IQGAP2: variants seen among roughly 807,000 people sequenced by gnomAD.
IQGAP2 encodes the protein IQ motif containing GTPase activating protein 2.
A neutral mutation model predicts 201.3 loss-of-function variants in IQGAP2; 173 were observed. That is an observed-to-expected ratio of 0.86 (90% CI 0.76 to 0.98). The LOEUF is 0.98. Among genes scored for constraint, IQGAP2 ranks in the 50% least tolerant of loss-of-function variants. IQGAP2 has a pLI of 0.00. For missense variants in IQGAP2, 1,687 were observed against 1,864.8 expected (o/e 0.90, Z 1.76); for synonymous variants, 675 against 673.9 (o/e 1.00, Z -0.03).
At chr5:76,596,762 G>A (rs1003572364) in intron 9 of IQGAP2, among the ~76,000 whole-genome samples, 1 of 152,062 alleles carries the variant, frequency 6.6e-6, no homozygotes, top group Non-Finnish European at 1.5e-5. Context: ...GGGGAAATCC[G>A]CCCCCATGTT....
intron 24 of IQGAP2, among the ~76,000 whole-genome samples, chr5:76,673,237 C>A (rs1744509695): frequency 6.6e-6 from 1 of 152,032 alleles, no homozygotes; most frequent in Non-Finnish European, 1.5e-5. Flanking sequence ...CCAGAAGAGA[C>A]CAGAGGGAAG....
intron 13 of IQGAP2, among the ~76,000 whole-genome samples, chr5:76,626,491 G>C (rs147457960): frequency 6.6e-6 from 1 of 151,834 alleles, no homozygotes; most frequent in East Asian, 1.9e-4. Flanking sequence ...GGCTGGTCTC[G>C]AACTCCTGAC....
At chr5:76,582,822 T>C (rs1043287063) in intron 5 of IQGAP2, among the ~76,000 whole-genome samples, 3 of 151,876 alleles carry the variant, frequency 2.0e-5, no homozygotes, top group African/African-American at 7.2e-5. Flanking sequence ...ACTTTCATGA[T>C]ATACACTAAA....
chr5:76,649,469 G>A (rs554917142), intron 17 of IQGAP2, among the ~76,000 whole-genome samples: 18 of 152,148 alleles, frequency 1.2e-4, no homozygotes, highest in African/African-American at 3.9e-4. Flanking sequence ...AAGAAATTTC[G>A]GAACATCAGA....
chr5:76,478,326 A>C (rs1412769832), intron 2 of IQGAP2, among the ~76,000 whole-genome samples: 1 of 152,146 alleles, frequency 6.6e-6, no homozygotes, highest in Non-Finnish European at 1.5e-5. Context: ...ACTTGAACCC[A>C]GGAGGTGGAG....
chr5:76,416,945 C>G (rs1258189289), intron 1 of IQGAP2, among the ~76,000 whole-genome samples: 1 of 152,176 alleles, frequency 6.6e-6, no homozygotes, highest in Non-Finnish European at 1.5e-5. Context: ...CCTCCTACCT[C>G]AGCCTTCTGA....
chr5:76,685,270 A>G (rs1468287319), intron 30 of IQGAP2, among the ~76,000 whole-genome samples: 1 of 152,222 alleles, frequency 6.6e-6, no homozygotes, highest in African/African-American at 2.4e-5. Flanking sequence ...ACAAGTGCCA[A>G]TTATAAAGAT....
At chr5:76,527,924 A>G (rs1759061879) in intron 2 of IQGAP2, among the ~76,000 whole-genome samples, 1 of 152,152 alleles carries the variant, frequency 6.6e-6, no homozygotes, top group Admixed American at 6.5e-5. Flanking sequence ...CTCTGATCTA[A>G]TCAGTCCAAT....
intron 34 of IQGAP2, 32 bp downstream of exon 34, chr5:76,701,245 G>C (rs372332254): frequency 6.2e-7 from 1 of 1,604,204 alleles, no homozygotes; most frequent in Admixed American, 1.7e-5. Context: ...CATAGAACAC[G>C]CATGCCATTT....
intron 2 of IQGAP2, among the ~76,000 whole-genome samples, chr5:76,464,090 C>T (rs992941923): frequency 2.6e-5 from 4 of 152,040 alleles, no homozygotes; most frequent in Non-Finnish European, 5.9e-5. Flanking sequence ...TCAAGTGATC[C>T]GCCCACCTCG....
intron 9 of IQGAP2, among the ~76,000 whole-genome samples, chr5:76,594,400 A>G (rs925658616): frequency 1.3e-5 from 2 of 152,216 alleles, no homozygotes; most frequent in African/African-American, 4.8e-5. Context: ...ACTCAGTGCC[A>G]TAATTTCCTG....
intron 2 of IQGAP2, among the ~76,000 whole-genome samples, chr5:76,540,684 T>C (rs1206733333): frequency 1.3e-5 from 2 of 152,230 alleles, no homozygotes; most frequent in African/African-American, 4.8e-5. Flanking sequence ...CCTTGGCCTA[T>C]AGTGCCTTTT....
intron 13 of IQGAP2, among the ~76,000 whole-genome samples, chr5:76,620,267 G>C (rs1006031925): frequency 7.2e-5 from 11 of 152,190 alleles, no homozygotes; most frequent in Admixed American, 6.5e-4. Flanking sequence ...GGAGGCTACT[G>C]TCATCATTCA....
chr5:76,570,804 A>T, intron 4 of IQGAP2, 147 bp downstream of exon 4: 1 of 627,326 alleles, frequency 1.6e-6, no homozygotes, highest in Non-Finnish European at 2.8e-6. Context: ...AGACCTATCC[A>T]AAGTAACATA....
chr5:76,535,546 C>T (rs187754247), intron 2 of IQGAP2, among the ~76,000 whole-genome samples: 27 of 152,304 alleles, frequency 1.8e-4, no homozygotes, highest in East Asian at 3.8e-4. Context: ...GAGCATTCAA[C>T]GAACATGGGA....
rs186289739 is a variant in IQGAP2, at chr5:76,629,398, A to G, written c.1612+1898A>G. On this transcript the variant is annotated intron_variant, in intron 14 of 35. Transcript: ENST00000274364. ...TAAAAGAAAATGTGTTGGCCCAAAT[A>G]TGTTACCACCAGCAAAATTTAAAAG... 6.2e-4 allele frequency among the ~76,000 whole-genome samples: 94 copies of G among 152,300 alleles called. No homozygotes were observed. In the East Asian group the frequency reaches 0.017, roughly 27 times the overall value.
intron 14 of IQGAP2, among the ~76,000 whole-genome samples, chr5:76,630,475 G>A (rs1561530766): frequency 6.6e-6 from 1 of 152,122 alleles, no homozygotes; most frequent in East Asian, 1.9e-4. Flanking sequence ...GTTCTATTAA[G>A]ATGAGAGTTG....
At chr5:76,558,688 T>C (rs113556061) in intron 2 of IQGAP2, among the ~76,000 whole-genome samples, 2,460 of 152,306 alleles carry the variant, frequency 0.016, 66 homozygotes, top group African/African-American at 0.055. Flanking sequence ...GTTCTTCCAG[T>C]TTCACAGCCG....
At chr5:76,485,298 A>G (rs1361692008) in intron 2 of IQGAP2, among the ~76,000 whole-genome samples, 2 of 152,214 alleles carry the variant, frequency 1.3e-5, no homozygotes, top group Admixed American at 6.5e-5. Flanking sequence ...CTCTTTTGAC[A>G]CATAAAGATT....
Sources: gnomAD v4.1 joint callset for allele counts (sites outside exome capture counted in the v4.1 genomes callset) on GRCh38, gnomAD v4.1.1 for gene constraint, MANE v1.5 for transcripts, NCBI Gene and HGNC (gene_info 2026-07-23, HGNC 2026-07-21) for gene names.